The following CEP192 variants were observed in gnomAD, a reference collection of about 807,000 sequenced individuals.
CEP192 encodes the protein centrosomal protein of 192 kDa.
In CEP192, 151 loss-of-function variants were observed where a neutral mutation model predicts 271.8. The ratio of observed to expected loss-of-function variants is 0.56; its 90% confidence interval spans 0.49 to 0.64. CEP192 has a LOEUF of 0.64. CEP192 is among the 30% of genes least tolerant of loss of function. The pLI, the probability that CEP192 is intolerant of heterozygous loss-of-function variation, is 0.00. For missense variants in CEP192, 2,910 were observed against 3,020.5 expected, an observed-to-expected ratio of 0.96 and a Z score of 0.86; for synonymous variants, 995 against 1,076.5, an observed-to-expected ratio of 0.92 and a Z score of 1.48.
intron 28 of CEP192, among the ~76,000 whole-genome samples, chr18:13,072,228 T>C (rs1161863912): frequency 6.6e-6 from 1 of 152,238 alleles, no homozygotes; most frequent in Non-Finnish European, 1.5e-5. Context: ...GTTTCCACAA[T>C]TGAAGTGTTT....
intron 11 of CEP192, among the ~76,000 whole-genome samples, chr18:13,036,335 C>T (rs931647757): frequency 1.3e-5 from 2 of 152,068 alleles, no homozygotes; most frequent in Non-Finnish European, 2.9e-5. Flanking sequence ...AGTCTAGGGT[C>T]GCAAAGGAGC....
intron 33 of CEP192, among the ~76,000 whole-genome samples, chr18:13,090,566 G>T (rs2039093048): frequency 6.6e-6 from 1 of 152,074 alleles, no homozygotes. Context: ...TTGGTGTAGG[G>T]GTGATGTTGA....
At chr18:13,099,366 C>T in intron 36 of CEP192, 110 bp from the exon 37 acceptor site, 1 of 614,346 alleles carries the variant, frequency 1.6e-6, no homozygotes, top group Non-Finnish European at 2.8e-6. Context: ...TCTGCTCTTC[C>T]TGAGCAGTGA....
chr18:13,040,373 T>C, intron 13 of CEP192, among the ~76,000 whole-genome samples: 1 of 152,264 alleles, frequency 6.6e-6, no homozygotes, highest in South Asian at 2.1e-4. Flanking sequence ...AAGTGGAAAC[T>C]GCCTACCCTT....
intron 38 of CEP192, among the ~76,000 whole-genome samples, chr18:13,101,640 T>C (rs929955577): frequency 2.6e-5 from 4 of 152,080 alleles, no homozygotes; most frequent in Non-Finnish European, 5.9e-5. Flanking sequence ...TGCCTCTCCA[T>C]TGATTTTGTC....
Position 13,018,553 on chromosome 18 carries a change from A to C in CEP192, c.863A>C (p.His288Pro). 1 of 1,541,584 alleles carries C rather than the reference A, an allele frequency of 6.5e-7. No homozygotes were observed. The highest frequency in any genetic ancestry group is 8.8e-7 in the Non-Finnish European group (1 of 1,140,088). ...AGCTCTCTGATTTCCCTCGACTCAC[A>C]CTCTTCTGAAACAACTCACAAAGAG... ...NNSSLISLDS[H>P]SSETTHKESE... The change falls in exon 8 of 45, where the codon CAC becomes CCC. Residue 288 changes from histidine (H) to proline (P), a missense_variant. Coordinates refer to ENST00000506447, the MANE Select transcript of CEP192 (RefSeq NM_032142.4).
chr18:13,105,780 T>C (rs2039919098), intron 40 of CEP192, among the ~76,000 whole-genome samples: 1 of 152,192 alleles, frequency 6.6e-6, no homozygotes. Context: ...GTAGTTTAGT[T>C]CATTCCCCAA....
In CEP192 at chr18:13,031,490, G is replaced by A. The variant is rs573013553; in HGVS notation, c.1534+882G>A. 5.7e-3 allele frequency among the ~76,000 whole-genome samples: 872 copies of A among 152,092 alleles called. 13 individuals are homozygous for A. Among genetic ancestry groups the A allele is most frequent in the African/African-American group, 0.02 (835 of 41,510 alleles). Reference sequence around the variant, plus strand: ...TCTCGATCTCCTGACCTCGTGATCTGCCCGCCTCGGCCTCCCAAAGTGCTG... The same window carrying A: ...TCTCGATCTCCTGACCTCGTGATCTACCCGCCTCGGCCTCCCAAAGTGCTG... On this transcript the variant is annotated intron_variant, in intron 11 of 44. Transcript: ENST00000506447.
In CEP192 at chr18:13,092,392, A is replaced by G. The variant is rs144106581; in HGVS notation, c.6119A>G (p.Gln2040Arg). The G allele has an allele frequency of 2.8e-4, 450 of 1,597,460 alleles. 3 individuals carry two copies. Among genetic ancestry groups the G allele is most frequent in the South Asian group, 1.6e-3 (140 of 88,432 alleles). ...LLVTEVYDLP[Q>R]RPNDVQLFYG... Reference sequence around the variant, plus strand: ...TCTATTTCAGTATATGATCTTCCCCAACGACCTAATGATGTTCAGCTCTTT... The same window carrying G: ...TCTATTTCAGTATATGATCTTCCCCGACGACCTAATGATGTTCAGCTCTTT... Residue 2040 changes from glutamine (Q) to arginine (R), a missense_variant, in exon 34 of 45, where the codon CAA becomes CGA. Coordinates refer to ENST00000506447, the MANE Select transcript of CEP192 (RefSeq NM_032142.4).
chr18:13,100,447 C>T lies in CEP192; in HGVS notation c.6806C>T (p.Ser2269Phe). Reference protein sequence around the residue: ...HLVKPMTKPPSTKVEIRNKSI... With the variant: ...HLVKPMTKPPFTKVEIRNKSI... Reference sequence around the variant, plus strand: ...GTCAAACCAATGACAAAACCGCCTTCCACAAAAGTTGAAATAAGAAACAAG... The same window carrying T: ...GTCAAACCAATGACAAAACCGCCTTTCACAAAAGTTGAAATAAGAAACAAG... Residue 2269 changes from serine (S) to phenylalanine (F), a missense_variant, in exon 38 of 45, where the codon TCC (serine) becomes TTC (phenylalanine). Physicochemically the swap from Ser to Phe is radical, Grantham distance 155. Coordinates refer to ENST00000506447, the MANE Select transcript of CEP192 (RefSeq NM_032142.4). The T allele has an allele frequency of 1.2e-6, 2 of 1,614,110 alleles. No homozygotes were observed. The highest frequency in any genetic ancestry group is 1.3e-5 in the African/African-American group (1 of 75,062).
chr18:13,052,858 T>A, intron 17 of CEP192, 61 bp from the exon 18 acceptor site: 1 of 1,325,412 alleles, frequency 7.5e-7, no homozygotes. Context: ...AATGGTTTTT[T>A]GCTAATGTAG....
rs1248987695 is a variant in CEP192 at position 13,068,408 on chromosome 18, A to T, written c.4808A>T (p.Gln1603Leu). The T allele has an allele frequency of 6.2e-7, 1 of 1,611,582 alleles. No homozygotes were observed. The highest frequency in any genetic ancestry group is 2.2e-5 in the East Asian group (1 of 44,834). ...GTTCTTTTCCATAGTCCAAAGAAACAGATCAGCTCTTCAGGTATCATGTTT... is the reference window on the plus strand; with the variant it reads ...GTTCTTTTCCATAGTCCAAAGAAACTGATCAGCTCTTCAGGTATCATGTTT... ...IWVLFHSPKK[Q>L]ISSSDILDSA... The change falls in exon 24 of 45, where the codon CAG becomes CTG. Residue 1603 changes from glutamine to leucine, a missense_variant. Transcript: ENST00000506447.
intron 15 of CEP192, among the ~76,000 whole-genome samples, chr18:13,045,739 A>T (rs1207882632): frequency 2.0e-5 from 3 of 152,194 alleles, no homozygotes; most frequent in Non-Finnish European, 4.4e-5. Flanking sequence ...TTCTTCATAA[A>T]ATTGTTTTGG....
intron 33 of CEP192, among the ~76,000 whole-genome samples, chr18:13,091,878 C>T (rs2039163464): frequency 6.6e-6 from 1 of 152,084 alleles, no homozygotes; most frequent in Non-Finnish European, 1.5e-5. Flanking sequence ...ATCATGGACC[C>T]TTAATTTCTG....
intron 17 of CEP192, among the ~76,000 whole-genome samples, chr18:13,050,650 G>C (rs2036735222): frequency 6.6e-6 from 1 of 151,612 alleles, no homozygotes; most frequent in African/African-American, 2.4e-5. Context: ...TGTGATCTTG[G>C]CTCACTACAA....
Position 13,042,317 on chromosome 18 carries a change from G to A in CEP192, c.2050G>A (p.Asp684Asn), listed in dbSNP as rs1323287210. The change falls in exon 15 of 45, where the codon GAT becomes AAT. Residue 684 changes from aspartate to asparagine, a missense_variant. Transcript: ENST00000506447. ...TGAAAATGATGTGACGTTAACGGCT[G>A]ATAAAGGCAAAACAGAGGTAGCTTC... ...VDENDVTLTA[D>N]KGKTEDTFFM... 1.2e-6 allele frequency: 2 copies of A among 1,613,852 alleles called. No homozygotes were observed. The highest frequency in any genetic ancestry group is 1.7e-6 in the Non-Finnish European group (2 of 1,179,934).
intron 4 of CEP192, among the ~76,000 whole-genome samples, chr18:13,009,351 C>G (rs1376064751): frequency 3.3e-5 from 5 of 152,184 alleles, no homozygotes; most frequent in Non-Finnish European, 7.3e-5. Context: ...ATATTCAAGA[C>G]AAGCCTATTT....
At chr18:13,122,415 C>T (rs1038532893) in intron 44 of CEP192, among the ~76,000 whole-genome samples, 6 of 151,916 alleles carry the variant, frequency 3.9e-5, no homozygotes, top group East Asian at 1.9e-4. Flanking sequence ...AGCGAGACAC[C>T]GTCTCAAAAA....
intron 1 of CEP192, among the ~76,000 whole-genome samples, chr18:12,998,350 C>T (rs1003915007): frequency 3.3e-5 from 5 of 152,182 alleles, no homozygotes; most frequent in Non-Finnish European, 7.3e-5. Context: ...TGCCAAAATG[C>T]ATTGGAGTAT....
Sources: gnomAD v4.1 joint callset for allele counts (sites outside exome capture counted in the v4.1 genomes callset) on GRCh38, gnomAD v4.1.1 for gene constraint, MANE v1.5 for transcripts, NCBI Gene and HGNC (gene_info 2026-07-23, HGNC 2026-07-21) for gene names.